Variants in PTPRG observed in about 807,000 individuals in gnomAD.
PTPRG encodes the protein receptor-type tyrosine-protein phosphatase gamma.
Under a neutral mutation model 165.3 loss-of-function variants are expected in PTPRG, and 102 were observed. The observed-to-expected ratio is 0.62, with a 90% confidence interval of 0.53 to 0.73. The LOEUF (loss-of-function observed/expected upper bound fraction) is 0.73, where lower values mean the gene tolerates loss of function less well. Among genes scored for constraint, PTPRG ranks in the 30% least tolerant of loss-of-function variants. The pLI is 0.00. For synonymous variants in PTPRG, 675 were observed against 669.5 expected (o/e 1.01, Z -0.13); for missense variants, 1,866 against 1,861.4 (o/e 1.00, Z -0.05).
At chr3:62,281,935 T>A (rs1276532059) in intron 27 of PTPRG, among the ~76,000 whole-genome samples, 1 of 151,942 alleles carries the variant, frequency 6.6e-6, no homozygotes, top group Non-Finnish European at 1.5e-5. Context: ...TACAAATAGG[T>A]CTGTTGACCT....
At chr3:62,105,344 G>C (rs1361669815) in intron 5 of PTPRG, among the ~76,000 whole-genome samples, 2 of 152,170 alleles carry the variant, frequency 1.3e-5, no homozygotes, top group East Asian at 3.8e-4. Context: ...AGTTTTGTTA[G>C]ACTTCGACAT....
At chr3:61,632,318 T>TACAC (rs3032571) in intron 1 of PTPRG, among the ~76,000 whole-genome samples, 8 of 147,572 alleles carry the variant, frequency 5.4e-5, no homozygotes, top group South Asian at 2.2e-4. Context: ...CACACGCACA[T>TACAC]ACACACACAC....
chr3:62,251,633 A>G (rs1401264591), intron 15 of PTPRG, among the ~76,000 whole-genome samples: 1 of 152,126 alleles, frequency 6.6e-6, no homozygotes, highest in Non-Finnish European at 1.5e-5. Flanking sequence ...CAGTGAGACC[A>G]TGTCTCAAAA....
chr3:61,728,692 T>G (rs1013800789), intron 1 of PTPRG, among the ~76,000 whole-genome samples: 1 of 152,070 alleles, frequency 6.6e-6, no homozygotes, highest in African/African-American at 2.4e-5. Flanking sequence ...TTTTTGTATC[T>G]TATTATTTTA....
chr3:61,719,803 T>C (rs573859743), intron 1 of PTPRG, among the ~76,000 whole-genome samples: 9 of 152,304 alleles, frequency 5.9e-5, no homozygotes, highest in Admixed American at 3.3e-4. Context: ...CTGGACTTCT[T>C]GCTGTTCCTC....
At chr3:61,920,878 G>A (rs1212777093) in intron 2 of PTPRG, among the ~76,000 whole-genome samples, 35 of 152,050 alleles carry the variant, frequency 2.3e-4, no homozygotes, top group Non-Finnish European at 2.4e-4. Flanking sequence ...AATTTAATGG[G>A]ACATTTAATA....
Position 62,081,252 on chromosome 3 carries a change from G to A in PTPRG, c.615+2994G>A, listed in dbSNP as rs1337579560. Among the ~76,000 whole-genome samples, 4 of 110,652 alleles carry A rather than the reference G, an allele frequency of 3.6e-5. No individual in the cohort carries two copies. The East Asian group carries it at 9.0e-4, about 25-fold the overall frequency. The allele number at this position is 110,652 out of a possible 152,430, so 72.6% of individuals were successfully genotyped here. On this transcript the variant is annotated intron_variant, in intron 5 of 29. Transcript: ENST00000474889. The stretch of plus-strand genomic sequence containing the variant: ...AGCCTGGGCGACAGAGTGAGACTCC[G>A]TCTCAAAACAAACAAACAAACAAAC...
chr3:61,913,948 C>T (rs553009597), intron 2 of PTPRG, among the ~76,000 whole-genome samples: 2 of 152,162 alleles, frequency 1.3e-5, no homozygotes, highest in African/African-American at 4.8e-5. Context: ...TCTCAGAGAT[C>T]GGTCCAAATT....
chr3:61,709,605 G>T (rs943290372), intron 1 of PTPRG, among the ~76,000 whole-genome samples: 1 of 152,118 alleles, frequency 6.6e-6, no homozygotes, highest in South Asian at 2.1e-4. Flanking sequence ...GTGAGCCACC[G>T]TTCCCCGCCT....
chr3:62,049,002 T>G (rs112369607), intron 4 of PTPRG, among the ~76,000 whole-genome samples: 10 of 152,286 alleles, frequency 6.6e-5, no homozygotes, highest in African/African-American at 1.9e-4. Context: ...ACTGAATATT[T>G]TGCGAATGGA....
At chr3:61,995,592 G>T (rs1457269420) in intron 3 of PTPRG, among the ~76,000 whole-genome samples, 1 of 151,792 alleles carries the variant, frequency 6.6e-6, no homozygotes, top group Non-Finnish European at 1.5e-5. Context: ...GGGGGTGTGG[G>T]TGTGTGGGTA....
chr3:61,643,178 T>C (rs1702109135), intron 1 of PTPRG, among the ~76,000 whole-genome samples: 1 of 152,118 alleles, frequency 6.6e-6, no homozygotes, highest in Non-Finnish European at 1.5e-5. Context: ...TAGTCTCAGC[T>C]ACCTGGGCGG....
chr3:61,849,916 G>A (rs1301986839), intron 2 of PTPRG, among the ~76,000 whole-genome samples: 2 of 152,008 alleles, frequency 1.3e-5, no homozygotes, highest in South Asian at 4.1e-4. Flanking sequence ...AATTTTTAAG[G>A]CTACTTTATT....
At position 62,074,352 on chromosome 3, in the gene PTPRG, C is replaced by CTTTCTTTCTT. The variant is rs1701310935; in HGVS notation, c.520-3808_520-3807insCTTTCTTTTT. 7.1e-3 allele frequency among the ~76,000 whole-genome samples: 778 copies of CTTTCTTTCTT among 109,088 alleles called. 21 individuals carry two copies. The highest frequency in any genetic ancestry group is 0.029 in the African/African-American group (748 of 26,098). The allele number at this position is 109,088 out of a possible 152,430, so 71.6% of individuals were successfully genotyped here. ...TTTTTTCCTTTCTTTTCTTTTCTTTCTTTTTTTTTTTTTTTTTTTTTGAGA... is the reference window on the plus strand; with the variant it reads ...TTTTTTCCTTTCTTTTCTTTTCTTTCTTTCTTTCTTTTTTTTTTTTTTTTTTTTTTTGAGA... On this transcript the variant is annotated intron_variant, in intron 4 of 29. Transcript: ENST00000474889.
chr3:62,100,984 C>T (rs1334332992), intron 5 of PTPRG, among the ~76,000 whole-genome samples: 2 of 152,146 alleles, frequency 1.3e-5, no homozygotes, highest in African/African-American at 4.8e-5. Context: ...GATAAAGTGG[C>T]ATCCAAAATG....
chr3:61,663,737 A>G (rs1412932757), intron 1 of PTPRG, among the ~76,000 whole-genome samples: 4 of 152,152 alleles, frequency 2.6e-5, no homozygotes, highest in Admixed American at 6.5e-5. Context: ...GTAATGGGAG[A>G]CAGTGACAGA....
intron 1 of PTPRG, among the ~76,000 whole-genome samples, chr3:61,586,255 TAAAA>T (rs879422992): frequency 2.9e-5 from 4 of 138,682 alleles, no homozygotes; most frequent in Non-Finnish European, 1.6e-5. Context: ...CAGTGGGAAA[TAAAA>T]AAAAAAAAGG....
chr3:61,670,568 C>T (rs1338708031), intron 1 of PTPRG, among the ~76,000 whole-genome samples: 1 of 152,202 alleles, frequency 6.6e-6, no homozygotes, highest in African/African-American at 2.4e-5. Context: ...TCCATATGGT[C>T]ATACTCCAAA....
chr3:62,140,601 C>T (rs1467195817), intron 6 of PTPRG, among the ~76,000 whole-genome samples: 1 of 152,068 alleles, frequency 6.6e-6, no homozygotes, highest in African/African-American at 2.4e-5. Context: ...AATCCCAGCA[C>T]TTTGGGAGGC....
Sources: gnomAD v4.1 joint callset for allele counts (sites outside exome capture counted in the v4.1 genomes callset) on GRCh38, gnomAD v4.1.1 for gene constraint, MANE v1.5 for transcripts, NCBI Gene and HGNC (gene_info 2026-07-23, HGNC 2026-07-21) for gene names.